LRP1B: variants seen among roughly 807,000 people sequenced by gnomAD.
The protein encoded by LRP1B is LDL receptor related protein 1B, also known as low-density lipoprotein receptor-related protein 1B.
Under a neutral mutation model 556.6 loss-of-function variants are expected in LRP1B, and 217 were observed. That is an observed-to-expected ratio of 0.39 (90% CI 0.35 to 0.44). The LOEUF is 0.44. Among genes scored for constraint, LRP1B ranks in the 20% least tolerant of loss-of-function variants. LRP1B has a pLI of 1.00. For synonymous variants in LRP1B, 2,047 were observed against 1,865.8 expected (o/e 1.10, Z -2.50); for missense variants, 5,053 against 5,620.8 (o/e 0.90, Z 3.23).
chr2:141,918,842 T>C (rs1213001653), intron 1 of LRP1B, among the ~76,000 whole-genome samples: 1 of 152,130 alleles, frequency 6.6e-6, no homozygotes, highest in Non-Finnish European at 1.5e-5. Flanking sequence ...GACAAATCTA[T>C]CCATGGCCCC....
At chr2:140,328,445 A>C (rs1303018538) in intron 79 of LRP1B, among the ~76,000 whole-genome samples, 1 of 151,238 alleles carries the variant, frequency 6.6e-6, no homozygotes, top group Non-Finnish European at 1.5e-5. Context: ...CTAGTTCCCC[A>C]ATTTCCATTG....
At chr2:141,942,683 AATT>A (rs1462875034) in intron 1 of LRP1B, among the ~76,000 whole-genome samples, 1 of 152,182 alleles carries the variant, frequency 6.6e-6, no homozygotes, top group Non-Finnish European at 1.5e-5. Context: ...TAACTTCTGA[AATT>A]ATTTTGTGCA....
intron 6 of LRP1B, among the ~76,000 whole-genome samples, chr2:141,228,584 T>TGTATGA (rs772856306): frequency 8.7e-6 from 1 of 115,562 alleles, no homozygotes; most frequent in Non-Finnish European, 1.8e-5. Context: ...TGTGTATGAG[T>TGTATGA]GTGTGTGTGT....
intron 1 of LRP1B, among the ~76,000 whole-genome samples, chr2:141,835,880 A>G (rs1275136066): frequency 6.6e-6 from 1 of 152,014 alleles, no homozygotes; most frequent in African/African-American, 2.4e-5. Context: ...ATACATGTAC[A>G]TATAGATCTA....
At chr2:140,989,212 C>G (rs1255907052) in intron 17 of LRP1B, among the ~76,000 whole-genome samples, 1 of 152,008 alleles carries the variant, frequency 6.6e-6, no homozygotes, top group East Asian at 1.9e-4. Context: ...GCCTATATCA[C>G]AGCATGCTAG....
intron 26 of LRP1B, 127 bp downstream of exon 26, chr2:140,867,971 GC>G (rs1693003440): frequency 1.6e-6 from 2 of 1,262,710 alleles, no homozygotes; most frequent in East Asian, 2.6e-5. Flanking sequence ...TTTGGGGCAA[GC>G]AAAAAAAAAA....
chr2:141,974,296 C>T (rs1243208803), intron 1 of LRP1B, among the ~76,000 whole-genome samples: 1 of 151,986 alleles, frequency 6.6e-6, no homozygotes, highest in South Asian at 2.1e-4. Flanking sequence ...AATTCCATGA[C>T]TGGCTGTAGC....
chr2:140,645,582 C>G (rs1454772794), intron 41 of LRP1B, among the ~76,000 whole-genome samples: 5 of 142,654 alleles, frequency 3.5e-5, no homozygotes, highest in African/African-American at 1.3e-4. Context: ...CTCTGTCGCC[C>G]AGGCTGGAGT....
chr2:141,679,944 A>G (rs1287165331), intron 2 of LRP1B, among the ~76,000 whole-genome samples: 1 of 151,720 alleles, frequency 6.6e-6, no homozygotes, highest in Non-Finnish European at 1.5e-5. Flanking sequence ...TGGAAAGTTT[A>G]TATATCTATC....
At chr2:141,327,055 C>T (rs1363551179) in intron 3 of LRP1B, among the ~76,000 whole-genome samples, 1 of 152,014 alleles carries the variant, frequency 6.6e-6, no homozygotes. Context: ...AGATGAAATT[C>T]ACAGGGCTTA....
chr2:140,673,065 A>T (rs1454234870), intron 41 of LRP1B, among the ~76,000 whole-genome samples: 1 of 152,192 alleles, frequency 6.6e-6, no homozygotes, highest in Non-Finnish European at 1.5e-5. Context: ...ACAGATTGAG[A>T]ATTTCCCAAA....
At chr2:141,412,826 G>A (rs1690903364) in intron 3 of LRP1B, among the ~76,000 whole-genome samples, 1 of 152,032 alleles carries the variant, frequency 6.6e-6, no homozygotes, top group African/African-American at 2.4e-5. Context: ...TTATAAGATA[G>A]GGTCTGTGGT....
intron 27 of LRP1B, among the ~76,000 whole-genome samples, chr2:140,863,076 G>A (rs988774376): frequency 6.6e-6 from 1 of 152,012 alleles, no homozygotes; most frequent in African/African-American, 2.4e-5. Context: ...GCCTACAGTA[G>A]GTTGTGGAAC....
At chr2:141,311,834 T>C (rs1686824245) in intron 3 of LRP1B, among the ~76,000 whole-genome samples, 2 of 152,192 alleles carry the variant, frequency 1.3e-5, no homozygotes, top group African/African-American at 2.4e-5. Context: ...TATTCAGTTA[T>C]AGCAACAGAA....
At chr2:140,938,175 C>T (rs1388954051) in intron 20 of LRP1B, among the ~76,000 whole-genome samples, 4 of 151,572 alleles carry the variant, frequency 2.6e-5, no homozygotes, top group African/African-American at 9.7e-5. Context: ...AATAACTGAA[C>T]TAAATGATCT....
chr2:141,433,771 T>G (rs1187372336), intron 3 of LRP1B, among the ~76,000 whole-genome samples: 2 of 151,980 alleles, frequency 1.3e-5, no homozygotes, highest in Non-Finnish European at 2.9e-5. Context: ...ACATGGAGTT[T>G]GTTGCATTTC....
chr2:140,638,333 G>A (rs1684147896), intron 41 of LRP1B, among the ~76,000 whole-genome samples: 1 of 152,106 alleles, frequency 6.6e-6, no homozygotes, highest in South Asian at 2.1e-4. Flanking sequence ...ATCGTCACAA[G>A]TACCATATGA....
At chr2:140,490,102 T>G (rs966280789) in intron 57 of LRP1B, among the ~76,000 whole-genome samples, 1 of 152,060 alleles carries the variant, frequency 6.6e-6, no homozygotes, top group Non-Finnish European at 1.5e-5. Flanking sequence ...GTTTCAGAGA[T>G]GAAAATTTGT....
At chr2:141,969,920 T>C (rs1701680926) in intron 1 of LRP1B, among the ~76,000 whole-genome samples, 1 of 151,614 alleles carries the variant, frequency 6.6e-6, no homozygotes, top group East Asian at 1.9e-4. Flanking sequence ...GGCTCTTTTT[T>C]TTTCCACACT....
Sources: gnomAD v4.1 joint callset for allele counts (sites outside exome capture counted in the v4.1 genomes callset) on GRCh38, gnomAD v4.1.1 for gene constraint, MANE v1.5 for transcripts, NCBI Gene and HGNC (gene_info 2026-07-23, HGNC 2026-07-21) for gene names.